Variants in NXN observed in about 807,000 individuals in gnomAD.
NXN encodes nucleoredoxin 1.
A neutral mutation model predicts 48.6 loss-of-function variants in NXN; 16 were observed. That is an observed-to-expected ratio of 0.33 (90% CI 0.22 to 0.50). NXN has a LOEUF of 0.50. Among genes scored for constraint, NXN ranks in the 20% least tolerant of loss-of-function variants. The pLI, the probability that NXN is intolerant of heterozygous loss-of-function variation, is 0.98. For missense variants in NXN, 492 were observed against 605.5 expected (o/e 0.81, Z 1.97); for synonymous variants, 281 against 269.6 (o/e 1.04, Z -0.41).
chr17:901,109 T>C (rs1249176978), intron 1 of NXN, among the ~76,000 whole-genome samples: 1 of 151,896 alleles, frequency 6.6e-6, no homozygotes, highest in African/African-American at 2.4e-5. Flanking sequence ...TTAGTAGAGA[T>C]GGGGTTTCAC....
intron 1 of NXN, among the ~76,000 whole-genome samples, chr17:885,412 G>A (rs2144848871): frequency 6.6e-6 from 1 of 151,950 alleles, no homozygotes; most frequent in African/African-American, 2.4e-5. Context: ...GGGAGGTGGA[G>A]GTTGCAGTGA....
chr17:836,346 C>T (rs973446984), intron 1 of NXN, among the ~76,000 whole-genome samples: 2 of 152,304 alleles, frequency 1.3e-5, no homozygotes, highest in East Asian at 1.9e-4. Flanking sequence ...AGGATTCATC[C>T]GCAAACTCCT....
intron 1 of NXN, among the ~76,000 whole-genome samples, chr17:894,848 C>T (rs1263768749): frequency 6.6e-6 from 1 of 152,114 alleles, no homozygotes; most frequent in Non-Finnish European, 1.5e-5. Flanking sequence ...GATGTGACTG[C>T]CTCAACTTTA....
rs973777625 is a variant in NXN at position 800,751 on chromosome 17, C to T, written c.*198G>A. The stretch of plus-strand genomic sequence containing the variant: ...TGCTCCCAAACAGAGTCTCCAAACA[C>T]GGTGGACTCTGCCGCTGCTGATTCC... On this transcript the variant is annotated 3_prime_UTR_variant, in exon 8 of 8. Transcript: ENST00000336868. 3.0e-5 allele frequency: 12 copies of T among 402,284 alleles called. 1 individual carries two copies. Among genetic ancestry groups the T allele is most frequent in the South Asian group, 1.0e-4 (1 of 9,984 alleles). 24.9% of individuals were successfully genotyped at this position (402,284 alleles called of 1,614,324 possible). A position where few individuals can be genotyped will look rare whatever the true frequency, so the allele number is the denominator to read the frequency against.
chr17:976,869 C>T (rs1243642675), intron 1 of NXN, among the ~76,000 whole-genome samples: 1 of 151,606 alleles, frequency 6.6e-6, no homozygotes, highest in Non-Finnish European at 1.5e-5. Flanking sequence ...CAGGTTCAAG[C>T]GATTCTCCTG....
At chr17:934,934 C>T (rs982353584) in intron 1 of NXN, among the ~76,000 whole-genome samples, 4 of 152,102 alleles carry the variant, frequency 2.6e-5, no homozygotes, top group Admixed American at 1.3e-4. Flanking sequence ...TGGACAGAGT[C>T]CTCACTTGCT....
At chr17:960,946 G>A (rs895400669) in intron 1 of NXN, among the ~76,000 whole-genome samples, 12 of 151,742 alleles carry the variant, frequency 7.9e-5, no homozygotes, top group African/African-American at 2.2e-4. Context: ...CACCACGCCC[G>A]GCTAATTTTT....
At chr17:835,712 T>C (rs56336971) in intron 1 of NXN, among the ~76,000 whole-genome samples, 19,101 of 102,838 alleles carry the variant, frequency 0.19, 1,554 homozygotes, top group African/African-American at 0.25. Flanking sequence ...GTCAGCCTCA[T>C]AGAGGCCGCA....
chr17:944,861 G>GCCAC (rs1374031169), intron 1 of NXN, among the ~76,000 whole-genome samples: 1 of 152,076 alleles, frequency 6.6e-6, no homozygotes, highest in Non-Finnish European at 1.5e-5. Flanking sequence ...TCAAGCAGGG[G>GCCAC]CCACACTGAG....
intron 1 of NXN, among the ~76,000 whole-genome samples, chr17:893,405 A>C (rs945639875): frequency 3.3e-5 from 5 of 152,258 alleles, no homozygotes; most frequent in Non-Finnish European, 7.3e-5. Flanking sequence ...CTTGGTTGCT[A>C]TATTCACTCT....
At chr17:812,820 GCGAGTGTGCATGTGTGAGTGTA>G in intron 5 of NXN, among the ~76,000 whole-genome samples, 1 of 150,712 alleles carries the variant, frequency 6.6e-6, no homozygotes, top group African/African-American at 2.4e-5. Flanking sequence ...AGGTGTGTGT[GCGAGTGTGCATGTGTGAGTGTA>G]GGTGTGTGCA....
chr17:864,843 T>G (rs2068080316), intron 1 of NXN, among the ~76,000 whole-genome samples: 1 of 152,218 alleles, frequency 6.6e-6, no homozygotes. Context: ...GGCGGTGTTC[T>G]GTCAGTCTGC....
chr17:879,565 G>A (rs1010267497), intron 1 of NXN, among the ~76,000 whole-genome samples: 12 of 152,086 alleles, frequency 7.9e-5, no homozygotes, highest in South Asian at 2.1e-4. Context: ...GGGACTACAG[G>A]CATGAGCCAC....
chr17:873,511 G>GGA (rs1236913213), intron 1 of NXN, among the ~76,000 whole-genome samples: 1 of 102,242 alleles, frequency 9.8e-6, no homozygotes, highest in African/African-American at 3.8e-5. Flanking sequence ...AAAAAAAAAA[G>GGA]GAGTCTCCGT....
At chr17:835,590 C>T (rs1913767559) in intron 1 of NXN, among the ~76,000 whole-genome samples, 1 of 152,168 alleles carries the variant, frequency 6.6e-6, no homozygotes, top group Non-Finnish European at 1.5e-5. Flanking sequence ...AACGCTTCTA[C>T]AGTGACCAAC....
chr17:844,400 G>A (rs959276627), intron 1 of NXN, among the ~76,000 whole-genome samples: 16 of 147,082 alleles, frequency 1.1e-4, no homozygotes, highest in African/African-American at 3.2e-4. Flanking sequence ...GCCATCACAC[G>A]TCCCGTCCTG....
intron 1 of NXN, chr17:908,166 G>A (rs76195060): frequency 0.54 from 82,030 of 151,404 alleles, 22,565 homozygotes; most frequent in Admixed American, 0.66. Flanking sequence ...CAGTAGGGGT[G>A]AGCTATAAAG....
At position 956,910 on chromosome 17, in the gene NXN, C is replaced by T. The variant is rs2069177098; in HGVS notation, c.360+22409G>A. Among the ~76,000 whole-genome samples, 1 of 152,184 alleles carries T rather than the reference C, an allele frequency of 6.6e-6. No individual in the cohort carries two copies. The highest frequency in any genetic ancestry group is 1.5e-5 in the Non-Finnish European group (1 of 68,034). On this transcript the variant is annotated intron_variant, in intron 1 of 7. Transcript: ENST00000336868. The surrounding 1 kb of genome is among the most constrained non-coding windows in gnomAD (Gnocchi z 4.1). ...GGCTGGCCCCTCCGTTCTCAGAGCT[C>T]CTGCGGGCAACTCCAGCCCTTTTAG...
Position 979,648 on chromosome 17 carries a change from C to T in NXN, c.31G>A (p.Glu11Lys). Residue 11 changes from glutamate to lysine, a missense_variant, in exon 1 of 8, where the codon GAG becomes AAG. Physicochemically the swap from Glu to Lys is moderately conservative, Grantham distance 56 (BLOSUM62 1). Transcript: ENST00000336868. ...TCGCCGCCGCCCGTCACCAGCTTCT[C>T]GCCGAGCAGCTCCTCCAGGAAGCCC... is the stretch of plus-strand genomic sequence containing the variant. MSGFLEELLG[E>K]KLVTGGGEEV... 3 of 1,472,228 alleles carry T rather than the reference C, an allele frequency of 2.0e-6. No homozygotes were observed. The highest frequency in any genetic ancestry group is 2.7e-6 in the Non-Finnish European group (3 of 1,112,034). 91.2% of individuals were successfully genotyped at this position (1,472,228 alleles called of 1,614,324 possible).
Sources: allele counts gnomAD v4.1 joint callset (sites outside exome capture counted in the v4.1 genomes callset), GRCh38; gene constraint gnomAD v4.1.1; non-coding constraint Gnocchi (gnomAD v3.1); transcripts MANE v1.5; gene names NCBI Gene and HGNC (gene_info 2026-07-23, HGNC 2026-07-21).